SLC9A6: variants seen among roughly 807,000 people sequenced by gnomAD.
The protein encoded by SLC9A6 is solute carrier family 9 member A6, also known as sodium/hydrogen exchanger 6.
A neutral mutation model predicts 45.3 loss-of-function variants in SLC9A6; 6 were observed. The ratio of observed to expected loss-of-function variants is 0.13; its 90% CI spans 0.07 to 0.26. SLC9A6 has a LOEUF of 0.26. Among genes scored for constraint, SLC9A6 ranks in the 10% least tolerant of loss-of-function variants. The probability of loss-of-function intolerance (pLI) is 1.00; values close to 1 mark genes in which losing one functional copy is unlikely to be tolerated. For synonymous variants in SLC9A6, 191 were observed against 187.7 expected, an observed-to-expected ratio of 1.02 and a Z score of -0.14; for missense variants, 278 against 503.7, an observed-to-expected ratio of 0.55 and a Z score of 4.29.
At chrX:136,009,827 A>G (rs1443675055) in intron 7 of SLC9A6, among the ~76,000 whole-genome samples, 1 of 112,295 alleles carries the variant, frequency 8.9e-6, no homozygotes, top group Non-Finnish European at 1.9e-5. Flanking sequence ...CCAGCTGGTT[A>G]TGCTGAAAGT....
intron 2 of SLC9A6, among the ~76,000 whole-genome samples, chrX:135,987,045 A>ATC (rs2089350755): frequency 9.0e-6 from 1 of 111,308 alleles, no homozygotes; most frequent in Non-Finnish European, 1.9e-5. Flanking sequence ...TGTAATGTGC[A>ATC]TCTCTCAAGG....
intron 11 of SLC9A6, among the ~76,000 whole-genome samples, chrX:136,018,074 G>A (rs1569525089): frequency 8.9e-6 from 1 of 112,245 alleles, no homozygotes; most frequent in African/African-American, 3.2e-5. Flanking sequence ...TCTTTGAAGA[G>A]GCATACCAGC....
At chrX:135,996,955 A>G (rs781893657) in intron 3 of SLC9A6, among the ~76,000 whole-genome samples, 4 of 109,605 alleles carry the variant, frequency 3.6e-5, no homozygotes, top group African/African-American at 1.3e-4. Context: ...TTTAATAGAG[A>G]CGGGGTTTCA....
chrX:135,973,992 G>A, upstream of SLC9A6: 1 of 922,952 alleles, frequency 1.1e-6, no homozygotes. Flanking sequence ...CGAAGAGGAA[G>A]GGCGCCGGCA....
At chrX:135,979,075 C>T (rs782791465) in intron 1 of SLC9A6, among the ~76,000 whole-genome samples, 1 of 111,300 alleles carries the variant, frequency 9.0e-6, no homozygotes, top group South Asian at 3.8e-4. Flanking sequence ...TGAGACTGAG[C>T]TACCATCTTC....
chrX:135,996,895 T>C (rs2089507001), intron 3 of SLC9A6, among the ~76,000 whole-genome samples: 1 of 108,773 alleles, frequency 9.2e-6, no homozygotes, highest in Non-Finnish European at 1.9e-5. Context: ...GCCTCCCGAG[T>C]AGCTGGGACT....
chrX:136,031,624 A>G (rs1247040229), intron 15 of SLC9A6, among the ~76,000 whole-genome samples: 1 of 111,481 alleles, frequency 9.0e-6, no homozygotes, highest in Non-Finnish European at 1.9e-5. Context: ...GTGCCACTGC[A>G]CTCCAGCCTG....
chrX:135,984,100 T>A (rs1428810746), upstream of SLC9A6, among the ~76,000 whole-genome samples: 1 of 111,448 alleles, frequency 9.0e-6, no homozygotes, highest in Non-Finnish European at 1.9e-5. Flanking sequence ...TCCTGAGAGC[T>A]TAGAGAGCTG....
intron 11 of SLC9A6, among the ~76,000 whole-genome samples, chrX:136,022,158 C>G (rs1357284338): frequency 9.0e-6 from 1 of 111,117 alleles, no homozygotes; most frequent in Non-Finnish European, 1.9e-5. Flanking sequence ...TTCTTCCTAC[C>G]AACACTGACA....
chrX:135,974,821 C>CG (rs2089252835), intron 1 of SLC9A6: 2 of 296,807 alleles, frequency 6.7e-6, no homozygotes, highest in South Asian at 3.2e-5. Flanking sequence ...AGGTGTAGCG[C>CG]GGGGGGAGTG....
rs10521848 is a variant in SLC9A6 at position 136,030,069 on chromosome X, T to C, written c.1551-63T>C. ...AGAAAAGTAGTTGCCTGACAATGTATATGTGTGAATAGACCATTTTTTGGC... is the reference window on the plus strand; with the variant it reads ...AGAAAAGTAGTTGCCTGACAATGTACATGTGTGAATAGACCATTTTTTGGC... On this transcript the variant is annotated intron_variant, in intron 14 of 17. Transcript: ENST00000630721. 52,128 of 1,012,640 alleles carry C rather than the reference T, an allele frequency of 0.051. 1,347 individuals carry two copies. Among genetic ancestry groups the C allele is most frequent in the African/African-American group, 0.16 (8,695 of 53,277 alleles). The allele number at this position is 1,012,640 out of a possible 1,213,427, so 83.5% of individuals were successfully genotyped here.
At chrX:136,005,939 A>G (rs2089650324) in intron 7 of SLC9A6, among the ~76,000 whole-genome samples, 1 of 111,757 alleles carries the variant, frequency 8.9e-6, no homozygotes, top group Non-Finnish European at 1.9e-5. Flanking sequence ...TGAGAGGAAC[A>G]TAACAGAGAA....
At chrX:135,997,885 C>T (rs1401881152) in intron 3 of SLC9A6, among the ~76,000 whole-genome samples, 1 of 111,974 alleles carries the variant, frequency 8.9e-6, no homozygotes, top group African/African-American at 3.2e-5. Context: ...TTTTAATACA[C>T]TTTCCACAGA....
chrX:136,043,752 G>T, intron 17 of SLC9A6, among the ~76,000 whole-genome samples: 1 of 112,363 alleles, frequency 8.9e-6, no homozygotes, highest in African/African-American at 3.2e-5. Flanking sequence ...ATGGGACTAT[G>T]TATTCCTGAT....
intron 14 of SLC9A6, 141 bp from the exon 15 acceptor site, chrX:136,029,991 C>A: frequency 1.7e-6 from 1 of 586,068 alleles, no homozygotes; most frequent in Non-Finnish European, 2.8e-6. Context: ...AAATCTGCAT[C>A]AACAGCTATA....
At chrX:136,014,527 G>A (rs1228260630) in intron 10 of SLC9A6, among the ~76,000 whole-genome samples, 1 of 112,897 alleles carries the variant, frequency 8.9e-6, no homozygotes, top group Non-Finnish European at 1.9e-5. Flanking sequence ...CATTTTGGGA[G>A]GCCAAAGCGG....
At chrX:135,978,544 C>T (rs1192771152) in intron 1 of SLC9A6, among the ~76,000 whole-genome samples, 10 of 109,442 alleles carry the variant, frequency 9.1e-5, no homozygotes, top group Admixed American at 2.0e-4. Flanking sequence ...CCCAGCTACT[C>T]GGGAGGCTGA....
chrX:136,034,100 T>C (rs1176858851), intron 16 of SLC9A6, among the ~76,000 whole-genome samples: 1 of 109,851 alleles, frequency 9.1e-6, no homozygotes, highest in African/African-American at 3.3e-5. Context: ...ATAACCTCTT[T>C]AAATCAGGGA....
intron 11 of SLC9A6, among the ~76,000 whole-genome samples, chrX:136,019,461 G>A (rs1173199411): frequency 1.8e-5 from 2 of 112,090 alleles, no homozygotes; most frequent in Admixed American, 1.9e-4. Flanking sequence ...CTTTATCTGG[G>A]TGGCTGCATA....
Sources: gnomAD v4.1 joint callset for allele counts (sites outside exome capture counted in the v4.1 genomes callset) on GRCh38, gnomAD v4.1.1 for gene constraint, MANE v1.5 for transcripts, NCBI Gene and HGNC (gene_info 2026-07-23, HGNC 2026-07-21) for gene names.